Variants in EPHA6 observed in about 807,000 individuals in gnomAD.
EPHA6 encodes ephrin type-A receptor 6.
In EPHA6, 50 loss-of-function variants were observed where a neutral mutation model predicts 112.0. That is an observed-to-expected ratio of 0.45 (90% confidence interval 0.36 to 0.56). The LOEUF (loss-of-function observed/expected upper bound fraction) is 0.56. Among genes scored for constraint, EPHA6 ranks in the 20% least tolerant of loss-of-function variants. The pLI is 0.00. For missense variants in EPHA6, 1,280 were observed against 1,417.4 expected, an observed-to-expected ratio of 0.90 and a Z score of 1.56; for synonymous variants, 529 against 490.7, an observed-to-expected ratio of 1.08 and a Z score of -1.03.
chr3:97,512,964 G>C (rs1157764133), intron 10 of EPHA6, among the ~76,000 whole-genome samples: 2 of 152,082 alleles, frequency 1.3e-5, no homozygotes, highest in African/African-American at 2.4e-5. Context: ...TTCTCCCATG[G>C]TTGCCTTCTC....
At chr3:96,844,856 C>A (rs2034977487) in intron 1 of EPHA6, among the ~76,000 whole-genome samples, 1 of 151,774 alleles carries the variant, frequency 6.6e-6, no homozygotes, top group Admixed American at 6.6e-5. Flanking sequence ...CAGGATGATC[C>A]CAGCAGGCAT....
At chr3:97,098,987 G>C (rs1018406586) in intron 3 of EPHA6, among the ~76,000 whole-genome samples, 72 of 151,900 alleles carry the variant, frequency 4.7e-4, no homozygotes, top group Admixed American at 3.6e-3. Context: ...AATTAAGCAT[G>C]TAACAGTGTG....
chr3:97,195,952 G>A (rs891129989), intron 3 of EPHA6, among the ~76,000 whole-genome samples: 7 of 151,760 alleles, frequency 4.6e-5, no homozygotes, highest in Admixed American at 2.6e-4. Context: ...ATTATTAAAT[G>A]TCCCAAGTTA....
chr3:97,497,005 C>T (rs999148395), intron 10 of EPHA6, among the ~76,000 whole-genome samples: 2 of 152,292 alleles, frequency 1.3e-5, no homozygotes, highest in South Asian at 2.1e-4. Flanking sequence ...GATCCAACCT[C>T]GTTTTACCAC....
intron 3 of EPHA6, among the ~76,000 whole-genome samples, chr3:97,060,986 A>T (rs1416356561): frequency 6.6e-6 from 1 of 151,504 alleles, no homozygotes; most frequent in Non-Finnish European, 1.5e-5. Context: ...CTAGTTAATA[A>T]ACCCAAGGAT....
chr3:96,837,142 A>G (rs923584779), intron 1 of EPHA6, among the ~76,000 whole-genome samples: 12 of 152,146 alleles, frequency 7.9e-5, no homozygotes, highest in Admixed American at 5.9e-4. Context: ...TGTAGAGCAA[A>G]TAGAAGTGTG....
chr3:97,105,044 C>T (rs998472787), intron 3 of EPHA6, among the ~76,000 whole-genome samples: 10 of 151,382 alleles, frequency 6.6e-5, no homozygotes, highest in Non-Finnish European at 1.2e-4. Flanking sequence ...TTCTTCTTTA[C>T]TAGTCTAGCT....
rs193211440 is a variant in EPHA6, at chr3:97,618,287, C to T, written c.2574+7433C>T. ...GGATACAGCCAAGGCAATGTTAAGACGGAAATATTTAGCACTAAATACCCA... is the reference window on the plus strand; with the variant it reads ...GGATACAGCCAAGGCAATGTTAAGATGGAAATATTTAGCACTAAATACCCA... On this transcript the variant is annotated intron_variant, in intron 13 of 17. Transcript: ENST00000389672. Among the ~76,000 whole-genome samples the T allele has an allele frequency of 4.6e-4, 70 of 151,994 alleles. No homozygotes were observed. The East Asian group carries it at 9.3e-3, about 20-fold the overall frequency.
At chr3:97,656,343 G>C (rs1275327857) in intron 14 of EPHA6, among the ~76,000 whole-genome samples, 1 of 151,712 alleles carries the variant, frequency 6.6e-6, no homozygotes, top group African/African-American at 2.4e-5. Flanking sequence ...TGGAATTCTG[G>C]TCAATATTCC....
In EPHA6 at chr3:97,693,730, C is replaced by T. The variant is rs905103677; in HGVS notation, c.2785-26531C>T. Among the ~76,000 whole-genome samples, 4 of 152,124 alleles carry T rather than the reference C, an allele frequency of 2.6e-5. No individual in the cohort carries two copies. In the East Asian group the frequency reaches 7.7e-4, roughly 29 times the overall value. On this transcript the variant is annotated intron_variant, in intron 14 of 17. Coordinates refer to ENST00000389672, the MANE Select transcript of EPHA6 (RefSeq NM_001080448.3). ...GACTGAGGCAGGAGAATGGCCTGAA[C>T]CCGGGAGGCGGAGCTTGCAGTGAGC...
At chr3:96,858,710 G>T (rs2035840155) in intron 1 of EPHA6, among the ~76,000 whole-genome samples, 1 of 151,994 alleles carries the variant, frequency 6.6e-6, no homozygotes, top group Admixed American at 6.6e-5. Flanking sequence ...AGATAGTAGG[G>T]GGGATAATTT....
chr3:97,707,641 C>A (rs1259069645), intron 14 of EPHA6, among the ~76,000 whole-genome samples: 3 of 152,254 alleles, frequency 2.0e-5, no homozygotes, highest in Middle Eastern at 3.4e-3. Flanking sequence ...CAATTTACCC[C>A]AGCTTTAAAA....
chr3:96,948,116 T>G (rs1380405692), intron 2 of EPHA6, among the ~76,000 whole-genome samples: 1 of 152,246 alleles, frequency 6.6e-6, no homozygotes, highest in Admixed American at 6.5e-5. Context: ...TCCCCAACTA[T>G]TTTTAAATAA....
intron 4 of EPHA6, among the ~76,000 whole-genome samples, chr3:97,239,676 TGAG>T (rs1280884933): frequency 5.3e-5 from 8 of 151,720 alleles, no homozygotes; most frequent in Middle Eastern, 3.4e-3. Context: ...TTGAGTAAGC[TGAG>T]GAGGAGGAGA....
chr3:96,914,588 G>T (rs1328940116), intron 2 of EPHA6, among the ~76,000 whole-genome samples: 1 of 152,140 alleles, frequency 6.6e-6, no homozygotes, highest in Non-Finnish European at 1.5e-5. Context: ...TTCACATAGG[G>T]TTTGAGGATA....
At chr3:97,195,360 G>C (rs1397696314) in intron 3 of EPHA6, among the ~76,000 whole-genome samples, 1 of 151,250 alleles carries the variant, frequency 6.6e-6, no homozygotes, top group African/African-American at 2.4e-5. Context: ...AACAAGCAAA[G>C]AGAAGATTAA....
At chr3:97,625,545 G>T (rs2093848918) in intron 13 of EPHA6, among the ~76,000 whole-genome samples, 1 of 151,484 alleles carries the variant, frequency 6.6e-6, no homozygotes, top group Non-Finnish European at 1.5e-5. Context: ...GATCTAGTTG[G>T]TTTATTGTGT....
intron 3 of EPHA6, among the ~76,000 whole-genome samples, chr3:97,102,300 A>G (rs948069820): frequency 2.0e-5 from 3 of 152,062 alleles, no homozygotes; most frequent in African/African-American, 7.2e-5. Flanking sequence ...ACACAGAGTG[A>G]TCTTAGTAAA....
At chr3:97,147,148 T>C (rs1180713932) in intron 3 of EPHA6, among the ~76,000 whole-genome samples, 2 of 152,070 alleles carry the variant, frequency 1.3e-5, no homozygotes, top group Non-Finnish European at 2.9e-5. Context: ...TAACTCTTTC[T>C]ACAGAATTTA....
Sources: gnomAD v4.1 joint callset for allele counts (sites outside exome capture counted in the v4.1 genomes callset) on GRCh38, gnomAD v4.1.1 for gene constraint, MANE v1.5 for transcripts, NCBI Gene and HGNC (gene_info 2026-07-23, HGNC 2026-07-21) for gene names.